Variants in CSMD1 observed in about 807,000 individuals in gnomAD.
CSMD1 encodes CUB and sushi domain-containing protein 1.
CSMD1 carries 213 observed loss-of-function variants against 417.5 expected under a neutral mutation model. That is an observed-to-expected ratio of 0.51 (90% CI 0.46 to 0.57). The LOEUF is 0.57. CSMD1 is among the 20% of genes least tolerant of loss of function. The pLI is 0.00. For missense variants in CSMD1, 6,923 were observed against 4,529.7 expected, an observed-to-expected ratio of 1.53 and a Z score of -15.17; for synonymous variants, 2,862 against 1,736.8, an observed-to-expected ratio of 1.65 and a Z score of -16.11.
At chr8:3,788,093 T>G (rs1799545754) in intron 5 of CSMD1, among the ~76,000 whole-genome samples, 1 of 152,200 alleles carries the variant, frequency 6.6e-6, no homozygotes, top group Admixed American at 6.5e-5. Context: ...TTGGGAAGAC[T>G]TGCAACGCTT....
intron 2 of CSMD1, among the ~76,000 whole-genome samples, chr8:4,568,121 C>T (rs1189292151): frequency 2.0e-5 from 3 of 152,146 alleles, no homozygotes; most frequent in Non-Finnish European, 4.4e-5. Context: ...AAAGCACATT[C>T]ACATCTAAGA....
intron 3 of CSMD1, among the ~76,000 whole-genome samples, chr8:4,090,869 C>G (rs572366669): frequency 1.1e-4 from 17 of 151,634 alleles, no homozygotes; most frequent in African/African-American, 4.1e-4. Flanking sequence ...AACTATTTTA[C>G]TAATGGATGC....
At chr8:4,831,401 G>A (rs1000067451) in intron 1 of CSMD1, among the ~76,000 whole-genome samples, 15 of 152,130 alleles carry the variant, frequency 9.9e-5, no homozygotes, top group South Asian at 2.1e-4. Context: ...CAAAACTGCC[G>A]TCATTTATTG....
chr8:4,880,007 G>C (rs1260631558), intron 1 of CSMD1, among the ~76,000 whole-genome samples: 2 of 151,980 alleles, frequency 1.3e-5, no homozygotes, highest in East Asian at 1.9e-4. Context: ...TCATCCATTG[G>C]CTGATTTATT....
chr8:3,665,168 T>A (rs916126575), intron 7 of CSMD1, among the ~76,000 whole-genome samples: 1 of 152,168 alleles, frequency 6.6e-6, no homozygotes, highest in Non-Finnish European at 1.5e-5. Flanking sequence ...TGAGATAAAA[T>A]TACTGGAACA....
rs1487610504 is a variant in CSMD1 at position 3,172,076 on chromosome 8, G to T, written c.5725+9034C>A. On this transcript the variant is annotated intron_variant, in intron 37 of 69. Coordinates refer to ENST00000635120, the MANE Select transcript of CSMD1 (RefSeq NM_033225.6). ...AGAATTCCCTTATGCAGTAAATCGA[G>T]CTCCTTGCCTGTCTCAGAACCATGT... Among the ~76,000 whole-genome samples, 3 of 152,266 alleles carry T rather than the reference G, an allele frequency of 2.0e-5. No homozygotes were observed. In the Middle Eastern group the frequency reaches 0.01, roughly 518 times the overall value.
chr8:4,321,170 A>G (rs1326798602), intron 3 of CSMD1, among the ~76,000 whole-genome samples: 1 of 148,188 alleles, frequency 6.7e-6, no homozygotes, highest in African/African-American at 2.7e-5. Context: ...GTCACCTCGC[A>G]CAGTGATCAA....
chr8:4,417,167 A>G (rs1429415032), intron 3 of CSMD1, among the ~76,000 whole-genome samples: 1 of 152,058 alleles, frequency 6.6e-6, no homozygotes, highest in Non-Finnish European at 1.5e-5. Flanking sequence ...AGAAAGTCAA[A>G]TACTGTAAAT....
chr8:4,730,278 C>A (rs1370461306), intron 1 of CSMD1, among the ~76,000 whole-genome samples: 2 of 152,052 alleles, frequency 1.3e-5, no homozygotes, highest in Non-Finnish European at 2.9e-5. Flanking sequence ...GAACTCAGAA[C>A]AACTGTGAAG....
intron 6 of CSMD1, among the ~76,000 whole-genome samples, chr8:3,733,518 T>C (rs1796374492): frequency 6.6e-6 from 1 of 152,092 alleles, no homozygotes. Flanking sequence ...TCTGAAAATA[T>C]TCAACGAAAA....
intron 48 of CSMD1, among the ~76,000 whole-genome samples, chr8:3,091,047 T>C (rs1399434636): frequency 6.6e-6 from 1 of 152,084 alleles, no homozygotes; most frequent in Non-Finnish European, 1.5e-5. Flanking sequence ...TGTATATGGT[T>C]ATTTGTACAA....
chr8:4,252,681 C>T (rs1001569446), intron 3 of CSMD1, among the ~76,000 whole-genome samples: 1 of 152,164 alleles, frequency 6.6e-6, no homozygotes, highest in Admixed American at 6.5e-5. Flanking sequence ...GTGGAGTTAA[C>T]CAGTGAAATG....
At chr8:4,036,105 A>G (rs565245842) in intron 3 of CSMD1, among the ~76,000 whole-genome samples, 2 of 152,286 alleles carry the variant, frequency 1.3e-5, no homozygotes, top group South Asian at 2.1e-4. Context: ...TTTGCACTCT[A>G]GGAGTACTAG....
chr8:3,492,474 T>A (rs892137169), intron 11 of CSMD1, among the ~76,000 whole-genome samples: 2 of 151,898 alleles, frequency 1.3e-5, no homozygotes, highest in African/African-American at 4.8e-5. Flanking sequence ...GAAAGACGCT[T>A]CTGGTTTAGT....
At chr8:3,024,055 A>C (rs1809661340) in intron 51 of CSMD1, among the ~76,000 whole-genome samples, 1 of 152,078 alleles carries the variant, frequency 6.6e-6, no homozygotes, top group African/African-American at 2.4e-5. Context: ...TAAGGAATTA[A>C]ATTATGTTTT....
In CSMD1 at chr8:3,956,864, T is replaced by C. The variant is rs572339186; in HGVS notation, c.818+41039A>G. Among the ~76,000 whole-genome samples the C allele has an allele frequency of 5.9e-5, 9 of 152,150 alleles. No individual in the cohort carries two copies. In the East Asian group the frequency reaches 1.4e-3, roughly 23 times the overall value. On this transcript the variant is annotated intron_variant, in intron 5 of 69. Coordinates refer to ENST00000635120, the MANE Select transcript of CSMD1 (RefSeq NM_033225.6). ...GTGGCTCTTCCTGACTAGGAACTCC[T>C]TGGAATGCTGCAAATGTACAGGTGA...
chr8:3,398,734 C>G (rs1430071961), intron 16 of CSMD1, among the ~76,000 whole-genome samples: 3 of 152,146 alleles, frequency 2.0e-5, no homozygotes, highest in Non-Finnish European at 4.4e-5. Flanking sequence ...AGTTTTTAAT[C>G]ATCAATTTGG....
At chr8:3,556,386 A>T (rs1220222140) in intron 10 of CSMD1, among the ~76,000 whole-genome samples, 1 of 54,818 alleles carries the variant, frequency 1.8e-5, no homozygotes, top group African/African-American at 7.5e-5. Context: ...AAAATTTATA[A>T]TAATTAATAT....
rs377739156 is a variant in CSMD1 at position 4,017,045 on chromosome 8, A to G, written c.610+14860T>C. Among the ~76,000 whole-genome samples the G allele has an allele frequency of 1.5e-4, 23 of 152,320 alleles. No individual in the cohort carries two copies. In the East Asian group the frequency reaches 2.1e-3, roughly 14 times the overall value. ...GGAAGAGCCACATCATAAAGGAACA[A>G]AAGCAGATATTCATCCGGAGGCAAG... On this transcript the variant is annotated intron_variant, in intron 4 of 69. Coordinates refer to ENST00000635120, the MANE Select transcript of CSMD1 (RefSeq NM_033225.6).
Sources: allele counts gnomAD v4.1 joint callset (sites outside exome capture counted in the v4.1 genomes callset), GRCh38; gene constraint gnomAD v4.1.1; transcripts MANE v1.5; gene names NCBI Gene and HGNC (gene_info 2026-07-23, HGNC 2026-07-21).